LPIN1: variants seen among roughly 807,000 people sequenced by gnomAD.
LPIN1 encodes the protein phosphatidate phosphatase LPIN1.
LPIN1 carries 71 observed loss-of-function variants against 107.5 expected under a neutral mutation model. That is an observed-to-expected ratio of 0.66 (90% CI 0.55 to 0.80). LPIN1 has a LOEUF of 0.80. LPIN1 is among the 30% of genes least tolerant of loss of function. LPIN1 has a pLI of 0.00. For synonymous variants in LPIN1, 445 were observed against 452.6 expected (o/e 0.98, Z 0.21); for missense variants, 1,043 against 1,160.6 (o/e 0.90, Z 1.47).
At chr2:11,677,601 C>A in exon 1 of LPIN1, 1 of 1,391,110 alleles carries the variant, frequency 7.2e-7, no homozygotes, top group Non-Finnish European at 9.9e-7. Context: ...GGACATTTCT[C>A]TCCTGATGCT....
chr2:11,752,244 G>A (rs1262909475), intron 1 of LPIN1, among the ~76,000 whole-genome samples: 1 of 152,112 alleles, frequency 6.6e-6, no homozygotes, highest in African/African-American at 2.4e-5. Flanking sequence ...GACGATGTCT[G>A]ATTCTCCTAC....
At chr2:11,788,529 T>G (rs748002636) in intron 12 of LPIN1, 73 bp downstream of exon 12, 26 of 1,197,480 alleles carry the variant, frequency 2.2e-5, no homozygotes, top group African/African-American at 3.0e-5. Context: ...GGTTGGAATT[T>G]CACTTTTATT....
intron 1 of LPIN1, chr2:11,741,335 T>C (rs1309002673): frequency 5.9e-6 from 9 of 1,519,070 alleles, no homozygotes; most frequent in African/African-American, 2.8e-5. Context: ...GTGAATGATG[T>C]CGTGTGTCCA....
intron 1 of LPIN1, among the ~76,000 whole-genome samples, chr2:11,694,667 A>G (rs563092503): frequency 6.6e-5 from 10 of 152,336 alleles, no homozygotes; most frequent in Non-Finnish European, 1.3e-4. Context: ...CCCAGCACCT[A>G]GCACAGGGCT....
chr2:11,748,627 C>T (rs1049072867), intron 1 of LPIN1, among the ~76,000 whole-genome samples: 1 of 152,168 alleles, frequency 6.6e-6, no homozygotes, highest in Non-Finnish European at 1.5e-5. Flanking sequence ...TCCTGGCTGA[C>T]GCCGGCCTCT....
chr2:11,679,732 GTC>G (rs1661609942), intron 1 of LPIN1, among the ~76,000 whole-genome samples: 1 of 152,250 alleles, frequency 6.6e-6, no homozygotes, highest in African/African-American at 2.4e-5. Context: ...TGCCCCGGCA[GTC>G]TCTGTGCGGT....
At chr2:11,755,305 C>T (rs1012223032) in intron 1 of LPIN1, among the ~76,000 whole-genome samples, 6 of 152,158 alleles carry the variant, frequency 3.9e-5, no homozygotes, top group South Asian at 2.1e-4. Context: ...TTTTCCCCCT[C>T]GTGCCCCGAC....
chr2:11,816,397 C>T (rs1321455064), intron 18 of LPIN1: 2 of 152,230 alleles, frequency 1.3e-5, no homozygotes, highest in East Asian at 1.9e-4. Context: ...AGCCATTCAT[C>T]AGCCTGTGTT....
At position 11,824,688 on chromosome 2, in the gene LPIN1, A is replaced by G. The variant is rs1353918633; in HGVS notation, c.2678A>G (p.His893Arg). The G allele has an allele frequency of 3.7e-6, 6 of 1,613,972 alleles. No individual in the cohort carries two copies. Among genetic ancestry groups the G allele is most frequent in the Non-Finnish European group, 5.1e-6 (6 of 1,180,030 alleles). The change falls in exon 21 of 21, where the codon CAT becomes CGT. Residue 893 changes from histidine to arginine, a missense_variant. His to Arg is a conservative substitution (Grantham distance 29). Coordinates refer to ENST00000674199, the MANE Select transcript of LPIN1 (RefSeq NM_001349206.2). ...DHVFPLLKRSHSSDFPCSDTF... is the reference protein window; with the variant it reads ...DHVFPLLKRSRSSDFPCSDTF... ...GTTTTCCCGTTGCTGAAAAGAAGCCATTCTTCAGACTTTCCCTGTTCGGAT... is the reference window on the plus strand; with the variant it reads ...GTTTTCCCGTTGCTGAAAAGAAGCCGTTCTTCAGACTTTCCCTGTTCGGAT...
chr2:11,760,910 A>G (rs1420602681), intron 1 of LPIN1, among the ~76,000 whole-genome samples: 2 of 151,906 alleles, frequency 1.3e-5, no homozygotes, highest in Non-Finnish European at 2.9e-5. Context: ...GATGGGGGGG[A>G]CATGAGAAGG....
chr2:11,730,610 A>G (rs1665093939), intron 1 of LPIN1, among the ~76,000 whole-genome samples: 1 of 151,942 alleles, frequency 6.6e-6, no homozygotes, highest in Admixed American at 6.6e-5. Flanking sequence ...AACTGTAGAA[A>G]TGAACATCAT....
chr2:11,682,420 A>AC (rs1408092370), intron 1 of LPIN1: 4 of 152,852 alleles, frequency 2.6e-5, no homozygotes, highest in African/African-American at 9.6e-5. Context: ...TGCCGATGGA[A>AC]CACAACCTGC....
intron 1 of LPIN1, among the ~76,000 whole-genome samples, chr2:11,760,509 G>A (rs980570664): frequency 6.6e-6 from 1 of 152,236 alleles, no homozygotes; most frequent in Non-Finnish European, 1.5e-5. Flanking sequence ...GTGAAACCCC[G>A]TCTCCACCAA....
chr2:11,691,342 C>T lies in LPIN1; in HGVS notation c.81+13614C>T, dbSNP rs1363260109. ...CCTTCCTGCTTGAAAGGTTGGGTCA[C>T]TTCCCTCTATTGCCTTGGCCCTAAG... On this transcript the variant is annotated intron_variant, in intron 1 of 21. Coordinates refer to the LPIN1 transcript ENST00000449576. Among the ~76,000 whole-genome samples the T allele has an allele frequency of 2.0e-5, 3 of 152,142 alleles. No individual in the cohort carries two copies. In the East Asian group the frequency reaches 5.8e-4, roughly 29 times the overall value.
intron 1 of LPIN1, among the ~76,000 whole-genome samples, chr2:11,694,113 C>T (rs1296947764): frequency 2.6e-5 from 4 of 151,756 alleles, no homozygotes; most frequent in East Asian, 1.9e-4. Context: ...GGATTACATG[C>T]GTGAGCCACC....
At chr2:11,823,460 C>A (rs1385121562) in intron 20 of LPIN1, among the ~76,000 whole-genome samples, 8 of 152,236 alleles carry the variant, frequency 5.3e-5, no homozygotes. Flanking sequence ...ACGTCACTTT[C>A]CCATTTTGTG....
At chr2:11,763,781 A>G (rs1670240684) in intron 1 of LPIN1, among the ~76,000 whole-genome samples, 1 of 151,418 alleles carries the variant, frequency 6.6e-6, no homozygotes, top group Admixed American at 6.6e-5. Context: ...GGTGGTTTTA[A>G]GCTTCCATGC....
chr2:11,701,861 A>G (rs903585092), intron 1 of LPIN1, among the ~76,000 whole-genome samples: 14 of 152,194 alleles, frequency 9.2e-5, no homozygotes, highest in African/African-American at 3.4e-4. Flanking sequence ...GTCCTTTCCT[A>G]CTGGCTGAGT....
Position 11,765,686 on chromosome 2 carries a change from C to T in LPIN1, c.145C>T (p.His49Tyr). Reference protein sequence around the residue: ...PNGNLQCSPFHVRFGKMGVLR... With the variant: ...PNGNLQCSPFYVRFGKMGVLR... ...TGGAAACCTCCAATGCTCCCCTTTCCACGTCCGCTTTGGGAAGATGGGGGT... is the reference window on the plus strand; with the variant it reads ...TGGAAACCTCCAATGCTCCCCTTTCTACGTCCGCTTTGGGAAGATGGGGGT... The change falls in exon 2 of 21, where the codon CAC becomes TAC. Residue 49 changes from histidine to tyrosine, a missense_variant. Physicochemically the swap from His to Tyr is moderately conservative, Grantham distance 83. Coordinates refer to ENST00000674199, the MANE Select transcript of LPIN1 (RefSeq NM_001349206.2). This position sits in a 1 kb window ranked among gnomAD's most constrained non-coding sequence, Gnocchi z 4.4. The T allele has an allele frequency of 6.2e-7, 1 of 1,613,484 alleles. No individual in the cohort carries two copies. Among genetic ancestry groups the T allele is most frequent in the Non-Finnish European group, 8.5e-7 (1 of 1,179,500 alleles).
Sources: gnomAD v4.1 joint callset for allele counts (sites outside exome capture counted in the v4.1 genomes callset) on GRCh38, gnomAD v4.1.1 for gene constraint, Gnocchi (gnomAD v3.1) non-coding constraint, MANE v1.5 for transcripts, NCBI Gene and HGNC (gene_info 2026-07-23, HGNC 2026-07-21) for gene names.